NRG2: variants seen among roughly 807,000 people sequenced by gnomAD.
NRG2 encodes the protein neuregulin 2.
In NRG2, 27 loss-of-function variants were observed where a neutral mutation model predicts 73.9. That is an observed-to-expected ratio of 0.37 (90% CI 0.27 to 0.50). NRG2 has a LOEUF of 0.50. Ranked by LOEUF, NRG2 falls within the 20% of genes least tolerant of loss-of-function variation. The probability of loss-of-function intolerance (pLI) is 0.96; values close to 1 mark genes in which losing one functional copy is unlikely to be tolerated. For missense variants in NRG2, 1,126 were observed against 1,210.1 expected, an observed-to-expected ratio of 0.93 and a Z score of 1.03; for synonymous variants, 532 against 541.0, an observed-to-expected ratio of 0.98 and a Z score of 0.23.
chr5:139,904,525 G>C lies in NRG2; in HGVS notation c.701-17014C>G. On this transcript the variant is annotated intron_variant, in intron 1 of 9. Coordinates refer to ENST00000361474, the MANE Select transcript of NRG2 (RefSeq NM_004883.3). This position sits in a 1 kb window ranked among gnomAD's most constrained non-coding sequence, Gnocchi z 6.0. The stretch of plus-strand genomic sequence containing the variant: ...AGGCGGTCACACCCTCCGGGGGAGG[G>C]GAGCAGCGAGCCTTAACTCTTCCCC... 1.9e-6 allele frequency: 1 copy of C among 520,584 alleles called. No individual in the cohort carries two copies. Among genetic ancestry groups the C allele is most frequent in the Non-Finnish European group, 3.4e-6 (1 of 298,312 alleles). 32.2% of individuals were successfully genotyped at this position (520,584 alleles called of 1,614,324 possible). A position where few individuals can be genotyped will look rare whatever the true frequency, so the allele number is the denominator to read the frequency against.
chr5:139,935,974 A>AG (rs1182167724), intron 1 of NRG2, among the ~76,000 whole-genome samples: 2 of 150,876 alleles, frequency 1.3e-5, no homozygotes, highest in African/African-American at 4.9e-5. Context: ...AAAAAAAAAA[A>AG]AGAAAGAAAA....
At chr5:139,882,130 G>A (rs950780679) in intron 2 of NRG2, among the ~76,000 whole-genome samples, 3 of 152,150 alleles carry the variant, frequency 2.0e-5, no homozygotes, top group African/African-American at 7.2e-5. Context: ...GTAGTGGGCT[G>A]GAGAGATGGG....
intron 1 of NRG2, among the ~76,000 whole-genome samples, chr5:139,998,338 T>C (rs1314747772): frequency 6.6e-6 from 1 of 152,188 alleles, no homozygotes; most frequent in Non-Finnish European, 1.5e-5. Flanking sequence ...AAAGTGCTTC[T>C]ATTATGTTCA....
intron 1 of NRG2, among the ~76,000 whole-genome samples, chr5:140,040,797 G>T (rs910471161): frequency 6.6e-6 from 1 of 152,122 alleles, no homozygotes; most frequent in African/African-American, 2.4e-5. Flanking sequence ...TAAAAAATTA[G>T]AAATTCTTAG....
In NRG2 at chr5:139,852,207, C is replaced by T. The variant is rs553549685; in HGVS notation, c.1544+225G>A. Among the ~76,000 whole-genome samples, 6 of 152,270 alleles carry T rather than the reference C, an allele frequency of 3.9e-5. No individual in the cohort carries two copies. The highest frequency in any genetic ancestry group is 1.4e-4 in the African/African-American group (6 of 41,542). ...GGGCCCTGACTATTTCCTGGTGCTC[C>T]CGAGGGAAGAAGGGAGCCAGCCATG... is the stretch of plus-strand genomic sequence containing the variant. On this transcript the variant is annotated intron_variant, in intron 8 of 9. Transcript: ENST00000361474. The surrounding 1 kb of genome is among the most constrained non-coding windows in gnomAD (Gnocchi z 4.4).
Position 139,870,331 on chromosome 5 carries a change from G to T in NRG2, c.1112+1390C>A, listed in dbSNP as rs377193544. 2.0e-5 allele frequency among the ~76,000 whole-genome samples: 3 copies of T among 152,306 alleles called. No individual in the cohort carries two copies. Among genetic ancestry groups the T allele is most frequent in the South Asian group, 2.1e-4 (1 of 4,832 alleles). ...GGGACTCTCCTCTAAGGTTCAGGGA[G>T]GGGGAGAAGGAGGTGGCAGCAGGGG... On this transcript the variant is annotated intron_variant, in intron 4 of 9. Coordinates refer to ENST00000361474, the MANE Select transcript of NRG2 (RefSeq NM_004883.3). The surrounding 1 kb of genome is among the most constrained non-coding windows in gnomAD (Gnocchi z 4.4).
intron 1 of NRG2, among the ~76,000 whole-genome samples, chr5:139,977,052 G>A (rs1246827515): frequency 1.3e-5 from 2 of 152,154 alleles, no homozygotes; most frequent in Non-Finnish European, 2.9e-5. Flanking sequence ...CCCAGTGCCT[G>A]CCTCAATTAC....
Position 139,869,335 on chromosome 5 carries a change from G to A in NRG2, c.1112+2386C>T, listed in dbSNP as rs909277538. ...TGTAGTTTCATTATCCAAGCTAAGC[G>A]GAAATGCAAAAAAATCAAAATAAAA... On this transcript the variant is annotated intron_variant, in intron 4 of 9. Coordinates refer to ENST00000361474, the MANE Select transcript of NRG2 (RefSeq NM_004883.3). This position sits in a 1 kb window ranked among gnomAD's most constrained non-coding sequence, Gnocchi z 4.5. 3.9e-5 allele frequency: 6 copies of A among 152,060 alleles called. No homozygotes were observed. The highest frequency in any genetic ancestry group is 2.0e-4 in the Admixed American group (3 of 15,276). The allele number at this position is 152,060 out of a possible 1,614,324, so 9.4% of individuals were successfully genotyped here. A position where few individuals can be genotyped will look rare whatever the true frequency, so the allele number is the denominator to read the frequency against.
At chr5:139,888,017 C>A (rs1763981350) in intron 1 of NRG2, among the ~76,000 whole-genome samples, 1 of 152,080 alleles carries the variant, frequency 6.6e-6, no homozygotes, top group South Asian at 2.1e-4. Flanking sequence ...GAGAGGCTGT[C>A]CCCATTTTTC....
intron 1 of NRG2, among the ~76,000 whole-genome samples, chr5:139,975,161 A>T (rs1462111716): frequency 6.6e-6 from 1 of 152,242 alleles, no homozygotes; most frequent in East Asian, 1.9e-4. Context: ...CATATCTTGG[A>T]ATCACTCAGC....
At chr5:139,891,477 T>A (rs1245951118) in intron 1 of NRG2, among the ~76,000 whole-genome samples, 1 of 152,210 alleles carries the variant, frequency 6.6e-6, no homozygotes, top group East Asian at 1.9e-4. Context: ...CCCTATCTAG[T>A]TCACCTGTTC....
chr5:139,859,777 C>A, intron 5 of NRG2: 1 of 1,105,926 alleles, frequency 9.0e-7, no homozygotes, highest in South Asian at 1.4e-5. Context: ...TTTTTGGAAT[C>A]ATCCCTTTTC....
intron 3 of NRG2, among the ~76,000 whole-genome samples, chr5:139,876,925 CTGTGTGTGTGTGTGTGTG>C (rs3082489): frequency 7.0e-6 from 1 of 141,902 alleles, no homozygotes; most frequent in Non-Finnish European, 1.5e-5. Flanking sequence ...GAATGTGCAT[CTGTGTGTGTGTGTGTGTG>C]TGTGTGTGTG....
At chr5:139,909,025 C>A (rs1012980889) in intron 1 of NRG2, among the ~76,000 whole-genome samples, 1 of 152,214 alleles carries the variant, frequency 6.6e-6, no homozygotes, top group Non-Finnish European at 1.5e-5. Flanking sequence ...TTGTGCAATG[C>A]CCTGTACAAC....
intron 1 of NRG2, among the ~76,000 whole-genome samples, chr5:139,934,152 T>C (rs1752676642): frequency 6.6e-6 from 1 of 152,202 alleles, no homozygotes; most frequent in East Asian, 1.9e-4. Context: ...TGAGCTGTGA[T>C]TGTGCCACTG....
In NRG2 at chr5:140,043,185, G is replaced by T. The variant is rs762187858; in HGVS notation, c.-116C>A. The T allele has an allele frequency of 2.4e-6, 3 of 1,243,938 alleles. No homozygotes were observed. The highest frequency in any genetic ancestry group is 3.2e-6 in the Non-Finnish European group (3 of 929,154). 77.1% of individuals were successfully genotyped at this position (1,243,938 alleles called of 1,614,324 possible). On this transcript the variant is annotated 5_prime_UTR_variant, in exon 1 of 10. Coordinates refer to ENST00000361474, the MANE Select transcript of NRG2 (RefSeq NM_004883.3). This position sits in a 1 kb window ranked among gnomAD's most constrained non-coding sequence, Gnocchi z 6.7. Reference sequence around the variant, plus strand: ...CGTTAGCGCCTCTTAGCCCTCCACCGGCAGCCCGGGGAGGTGGCCCAGCTA... The same window carrying T: ...CGTTAGCGCCTCTTAGCCCTCCACCTGCAGCCCGGGGAGGTGGCCCAGCTA...
chr5:139,991,799 A>G (rs1187051399), intron 1 of NRG2, among the ~76,000 whole-genome samples: 1 of 152,162 alleles, frequency 6.6e-6, no homozygotes, highest in East Asian at 1.9e-4. Context: ...AGTTCCAAGT[A>G]CTATATCATT....
At chr5:140,024,901 T>C (rs546513487) in intron 1 of NRG2, among the ~76,000 whole-genome samples, 124 of 152,292 alleles carry the variant, frequency 8.1e-4, no homozygotes, top group African/African-American at 2.8e-3. Flanking sequence ...GTCTCTATAT[T>C]TTGAGGCTAT....
At chr5:139,958,919 G>C (rs1420296643) in intron 1 of NRG2, among the ~76,000 whole-genome samples, 4 of 152,192 alleles carry the variant, frequency 2.6e-5, no homozygotes, top group Non-Finnish European at 5.9e-5. Context: ...AGGAAACCGA[G>C]GGCCATTGGT....
Sources: gnomAD v4.1 joint callset for allele counts (sites outside exome capture counted in the v4.1 genomes callset) on GRCh38, gnomAD v4.1.1 for gene constraint, Gnocchi (gnomAD v3.1) non-coding constraint, MANE v1.5 for transcripts, NCBI Gene and HGNC (gene_info 2026-07-23, HGNC 2026-07-21) for gene names.